ERMP1: variants seen among roughly 807,000 people sequenced by gnomAD.
The protein encoded by ERMP1 is endoplasmic reticulum metallopeptidase 1, also known as Felix-ina.
A neutral mutation model predicts 92.0 loss-of-function variants in ERMP1; 86 were observed. The observed-to-expected ratio is 0.93, with a 90% confidence interval of 0.79 to 1.12. The LOEUF is 1.12. ERMP1 is among the 50% of genes most tolerant of loss of function. The pLI, the probability that ERMP1 is intolerant of heterozygous loss-of-function variation, is 0.00. For missense variants in ERMP1, 1,342 were observed against 1,116.3 expected (o/e 1.20, Z -2.88); for synonymous variants, 530 against 412.8 (o/e 1.28, Z -3.44).
chr9:5,801,377 G>A lies in ERMP1; in HGVS notation c.1915-49C>T, dbSNP rs572786982. 2.0e-5 allele frequency: 31 copies of A among 1,560,272 alleles called. No homozygotes were observed. The African/African-American group carries it at 3.4e-4, about 17-fold the overall frequency. ...GAAATATTACAAATTCATTCTAGTG[G>A]TGGAAAGGTGTTTTTAACTAACTTT... On this transcript the variant is annotated intron_variant, in intron 10 of 14. Transcript: ENST00000339450.
intron 3 of ERMP1, among the ~76,000 whole-genome samples, chr9:5,824,483 A>G (rs1432634355): frequency 6.6e-6 from 1 of 152,122 alleles, no homozygotes; most frequent in East Asian, 1.9e-4. Flanking sequence ...GATCACCGCA[A>G]TCTCCACGTT....
intron 6 of ERMP1, among the ~76,000 whole-genome samples, chr9:5,844,270 T>TGTTTGTTTGTTC (rs1216193282): frequency 6.6e-6 from 1 of 152,080 alleles, no homozygotes; most frequent in Non-Finnish European, 1.5e-5. Context: ...TGTGTTTTTT[T>TGTTTGTTTGTTC]GTTTGTTTGT....
intron 5 of ERMP1, among the ~76,000 whole-genome samples, chr9:5,864,207 A>T (rs1830583545): frequency 6.6e-6 from 1 of 152,228 alleles, no homozygotes; most frequent in Non-Finnish European, 1.5e-5. Context: ...TTTTCCTCAT[A>T]GACTTGTTGC....
rs756799204 is a variant in ERMP1, at chr9:5,823,974, G to C, written c.796C>G (p.Pro266Ala). ...QASHGFITQH[P>A]WASLIRAFIN... ...AATGCACGAATCAAGCTAGCCCAGG[G>C]GTGCTGAGTAATGAAACCATGACTG... The change falls in exon 4 of 15, where the codon CCC becomes GCC. Residue 266 changes from proline (P) to alanine (A), a missense_variant. Transcript: ENST00000339450. 1.2e-6 allele frequency: 2 copies of C among 1,613,796 alleles called. No individual in the cohort carries two copies. The highest frequency in any genetic ancestry group is 1.3e-5 in the African/African-American group (1 of 74,886).
At chr9:5,796,885 A>G (rs535087520) in intron 13 of ERMP1, among the ~76,000 whole-genome samples, 2 of 152,334 alleles carry the variant, frequency 1.3e-5, no homozygotes, top group African/African-American at 2.4e-5. Flanking sequence ...GGCTTCGATT[A>G]ATAATAATAT....
chr9:5,821,869 G>C (rs1829549529), intron 4 of ERMP1, among the ~76,000 whole-genome samples: 1 of 152,222 alleles, frequency 6.6e-6, no homozygotes, highest in Admixed American at 6.5e-5. Flanking sequence ...AGAAGACTGA[G>C]TGTCCTCTCT....
Position 5,811,185 on chromosome 9 carries a change from G to A in ERMP1, c.1253C>T (p.Ser418Leu). ...CATTACCACCATGTAGTTTATGATT[G>A]AGCCAATACGAGAGGGGTAGGCAAT... ...FVIAYPSRIG[S>L]IINYMVVMGV... Residue 418 changes from serine to leucine, a missense_variant, in exon 7 of 15, where the codon TCA (serine) becomes TTA (leucine). Physicochemically the swap from Ser to Leu is moderately radical, Grantham distance 145. Transcript: ENST00000339450. The A allele has an allele frequency of 6.2e-7, 1 of 1,613,976 alleles. No individual in the cohort carries two copies. The highest frequency in any genetic ancestry group is 8.5e-7 in the Non-Finnish European group (1 of 1,179,978).
chr9:5,793,305 A>C (rs1204738605), intron 13 of ERMP1, among the ~76,000 whole-genome samples: 2 of 152,184 alleles, frequency 1.3e-5, no homozygotes, highest in Non-Finnish European at 2.9e-5. Context: ...TGACATGCTA[A>C]GAAAGGAGAG....
intron 6 of ERMP1, among the ~76,000 whole-genome samples, chr9:5,850,698 G>C (rs1195757954): frequency 6.6e-6 from 1 of 152,104 alleles, no homozygotes; most frequent in East Asian, 1.9e-4. Flanking sequence ...CAGTTAATTT[G>C]GATGGTGCCA....
intron 5 of ERMP1, among the ~76,000 whole-genome samples, chr9:5,812,483 T>C (rs1026026466): frequency 6.6e-6 from 1 of 152,198 alleles, no homozygotes; most frequent in Non-Finnish European, 1.5e-5. Context: ...GATAGGAATA[T>C]TGAGTTTGGG....
chr9:5,810,512 A>T (rs903336873), intron 7 of ERMP1, among the ~76,000 whole-genome samples: 1 of 152,228 alleles, frequency 6.6e-6, no homozygotes, highest in Non-Finnish European at 1.5e-5. Flanking sequence ...AAGGAAGAGG[A>T]TAGTCTTAAT....
intron 13 of ERMP1, among the ~76,000 whole-genome samples, chr9:5,795,451 T>A (rs1375817503): frequency 6.6e-6 from 1 of 152,134 alleles, no homozygotes; most frequent in Non-Finnish European, 1.5e-5. Context: ...GAAATAAAAC[T>A]GTCTGCAGAT....
At chr9:5,800,804 T>C (rs1433422194) in intron 11 of ERMP1, among the ~76,000 whole-genome samples, 1 of 152,260 alleles carries the variant, frequency 6.6e-6, no homozygotes, top group Admixed American at 6.5e-5. Flanking sequence ...TAAACATCAA[T>C]TTTATTTTGC....
At chr9:5,794,334 A>G (rs968999970) in intron 13 of ERMP1, among the ~76,000 whole-genome samples, 1 of 152,162 alleles carries the variant, frequency 6.6e-6, no homozygotes, top group Middle Eastern at 3.2e-3. Context: ...ATATTAGAAA[A>G]GATGATTTAA....
Position 5,833,056 on chromosome 9 carries a change from C to T in ERMP1, c.-29G>A, listed in dbSNP as rs1457923722. ...CACGAGCCTCAGCTGCCAGCCCAACCGCCCCAACCCGCGACAGCCCCGGCC... is the reference window on the plus strand; with the variant it reads ...CACGAGCCTCAGCTGCCAGCCCAACTGCCCCAACCCGCGACAGCCCCGGCC... On this transcript the variant is annotated 5_prime_UTR_variant, in exon 1 of 15. Transcript: ENST00000339450. The T allele has an allele frequency of 7.0e-7, 1 of 1,429,060 alleles. No individual in the cohort carries two copies. The highest frequency in any genetic ancestry group is 9.1e-7 in the Non-Finnish European group (1 of 1,101,574). 88.5% of individuals were successfully genotyped at this position (1,429,060 alleles called of 1,614,324 possible).
At chr9:5,812,860 A>C in intron 5 of ERMP1, 29 bp downstream of exon 5, 2 of 1,613,520 alleles carry the variant, frequency 1.2e-6, no homozygotes, top group Non-Finnish European at 8.5e-7. Flanking sequence ...TAAATGCTGC[A>C]CAGTAGGCCG....
At chr9:5,819,623 A>C (rs1424210256) in intron 4 of ERMP1, among the ~76,000 whole-genome samples, 1 of 152,034 alleles carries the variant, frequency 6.6e-6, no homozygotes, top group Non-Finnish European at 1.5e-5. Flanking sequence ...GCCCTGGTTT[A>C]CTATGGCACA....
chr9:5,853,802 T>A (rs1830338545), intron 6 of ERMP1, among the ~76,000 whole-genome samples: 1 of 149,866 alleles, frequency 6.7e-6, no homozygotes, highest in Non-Finnish European at 1.5e-5. Flanking sequence ...AGATCTAGAA[T>A]GCCCAGTAAT....
chr9:5,802,438 G>A (rs1431506010), intron 10 of ERMP1, among the ~76,000 whole-genome samples: 2 of 152,162 alleles, frequency 1.3e-5, no homozygotes, highest in African/African-American at 2.4e-5. Context: ...AGGCTGGAGT[G>A]CAGAGGCACG....
Sources: allele counts gnomAD v4.1 joint callset (sites outside exome capture counted in the v4.1 genomes callset), GRCh38; gene constraint gnomAD v4.1.1; transcripts MANE v1.5; gene names NCBI Gene and HGNC (gene_info 2026-07-23, HGNC 2026-07-21).